The following TRIT1 variants were observed in gnomAD, a reference collection of about 807,000 sequenced individuals.
The protein encoded by TRIT1 is tRNA dimethylallyltransferase.
In TRIT1, 43 loss-of-function variants were observed where a neutral mutation model predicts 51.2. The observed-to-expected ratio is 0.84, with a 90% CI of 0.66 to 1.08. The LOEUF is 1.08. Among genes scored for constraint, TRIT1 ranks in the 50% least tolerant of loss-of-function variants. The pLI is 0.00. For synonymous variants in TRIT1, 184 were observed against 203.9 expected (o/e 0.90, Z 0.83); for missense variants, 528 against 578.4 (o/e 0.91, Z 0.89).
rs1652465557 is a variant in TRIT1 at position 39,838,677 on chromosome 1, T to C, written c.*3067A>G. 6.6e-6 allele frequency among the ~76,000 whole-genome samples: 1 copy of C among 152,222 alleles called. No individual in the cohort carries two copies. The highest frequency in any genetic ancestry group is 1.5e-5 in the Non-Finnish European group (1 of 68,042). ...ATATGTAAGTATGTATGTATGTATA[T>C]ATTTGTGCTGACTGGGTCTCACCAT... On this transcript the variant is annotated 3_prime_UTR_variant, in exon 11 of 11. Transcript: ENST00000316891.
intron 1 of TRIT1, among the ~76,000 whole-genome samples, chr1:39,859,582 CAA>C (rs757122180): frequency 2.6e-5 from 3 of 117,414 alleles, no homozygotes; most frequent in African/African-American, 3.2e-5. Flanking sequence ...GACTTTGTCT[CAA>C]AAAAAAAAAA....
chr1:39,859,249 C>G (rs1483956072), intron 1 of TRIT1, among the ~76,000 whole-genome samples: 3 of 101,764 alleles, frequency 2.9e-5, no homozygotes, highest in Non-Finnish European at 5.3e-5. Context: ...GAGTGAGACT[C>G]GACTCCGTCT....
intron 8 of TRIT1, among the ~76,000 whole-genome samples, chr1:39,846,524 T>C (rs909477821): frequency 6.6e-6 from 1 of 152,060 alleles, no homozygotes; most frequent in Non-Finnish European, 1.5e-5. Context: ...TATAAAGGAG[T>C]GTGGACTCTG....
chr1:39,877,190 C>G (rs545790024), intron 1 of TRIT1, among the ~76,000 whole-genome samples: 19 of 151,756 alleles, frequency 1.3e-4, no homozygotes, highest in African/African-American at 4.3e-4. Context: ...ACAGTATGTC[C>G]CAAAGCAAAC....
Position 39,841,750 on chromosome 1 carries a change from G to A in TRIT1, c.1398C>T (p.Ser466=), listed in dbSNP as rs199579505. ...PGQNDQELKC[S]V ...AGGCCACTGGACATGTCTCTTAAACGCTGCATTTCAGCTCTTGATCATTCT... is the reference window on the plus strand; with the variant it reads ...AGGCCACTGGACATGTCTCTTAAACACTGCATTTCAGCTCTTGATCATTCT... Residue 466 remains serine, a synonymous_variant, in exon 11 of 11, where the codon AGC becomes AGT. Transcript: ENST00000316891. 1.3e-5 allele frequency: 21 copies of A among 1,610,754 alleles called. No individual in the cohort carries two copies. The African/African-American group carries it at 2.0e-4, about 15-fold the overall frequency.
At chr1:39,849,787 T>A (rs1266087909) in intron 5 of TRIT1, among the ~76,000 whole-genome samples, 2 of 152,212 alleles carry the variant, frequency 1.3e-5, no homozygotes, top group African/African-American at 4.8e-5. Context: ...CATTCTAGCC[T>A]CCAGCCAACC....
At chr1:39,862,304 A>G (rs1486316784) in intron 1 of TRIT1, among the ~76,000 whole-genome samples, 2 of 135,910 alleles carry the variant, frequency 1.5e-5, no homozygotes, top group Non-Finnish European at 3.2e-5. Context: ...TCAATGTTAT[A>G]TCACAATTTA....
intron 5 of TRIT1, among the ~76,000 whole-genome samples, chr1:39,849,686 A>G (rs574350825): frequency 1.0e-4 from 16 of 152,382 alleles, no homozygotes; most frequent in African/African-American, 3.6e-4. Context: ...TGCTGGATGA[A>G]TAAGTTACTA....
chr1:39,844,460 G>T lies in TRIT1; in HGVS notation c.1116+71C>A, dbSNP rs1642105759. On this transcript the variant is annotated intron_variant, in intron 9 of 10. Transcript: ENST00000316891. ...AAAGAAGGCCTGGTTCTTCAATATA[G>T]CAACAAAGGTGTCAGCTAATGAAAG... is the stretch of plus-strand genomic sequence containing the variant. The T allele has an allele frequency of 5.6e-6, 7 of 1,240,766 alleles. No homozygotes were observed. The South Asian group carries it at 8.6e-5, about 15-fold the overall frequency. 76.9% of individuals were successfully genotyped at this position (1,240,766 alleles called of 1,614,324 possible). A position where few individuals can be genotyped will look rare whatever the true frequency, so the allele number is the denominator to read the frequency against.
intron 1 of TRIT1, among the ~76,000 whole-genome samples, chr1:39,869,385 G>A (rs987696010): frequency 3.3e-5 from 5 of 152,252 alleles, no homozygotes; most frequent in Admixed American, 6.5e-5. Context: ...GATTGCAGAC[G>A]GAGTCTTGCT....
At chr1:39,880,054 A>G (rs1348656048) in intron 1 of TRIT1, among the ~76,000 whole-genome samples, 1 of 151,692 alleles carries the variant, frequency 6.6e-6, no homozygotes, top group Admixed American at 6.6e-5. Flanking sequence ...ATGTGCCTGT[A>G]GTCCTAGCTG....
intron 10 of TRIT1, among the ~76,000 whole-genome samples, chr1:39,843,212 T>C (rs2124571630): frequency 6.6e-6 from 1 of 152,260 alleles, no homozygotes; most frequent in South Asian, 2.1e-4. Context: ...ATCCTATTGG[T>C]TGCTTTGGGG....
At chr1:39,879,549 G>C (rs1280789225) in intron 1 of TRIT1, among the ~76,000 whole-genome samples, 1 of 151,868 alleles carries the variant, frequency 6.6e-6, no homozygotes, top group Non-Finnish European at 1.5e-5. Flanking sequence ...AGCTACTTGA[G>C]ACAGGAGGAC....
intron 8 of TRIT1, among the ~76,000 whole-genome samples, chr1:39,845,016 G>A (rs1642145974): frequency 6.6e-6 from 1 of 152,232 alleles, no homozygotes; most frequent in Non-Finnish European, 1.5e-5. Flanking sequence ...ATCTTACAAT[G>A]ATGGCGATCT....
At chr1:39,869,780 C>T (rs532125260) in intron 1 of TRIT1, among the ~76,000 whole-genome samples, 1 of 151,436 alleles carries the variant, frequency 6.6e-6, no homozygotes, top group South Asian at 2.1e-4. Context: ...AGGTGAGGAG[C>T]GTCTCTGCCC....
intron 8 of TRIT1, 182 bp downstream of exon 8, chr1:39,847,038 T>TC (rs1012397176): frequency 1.2e-4 from 69 of 567,138 alleles, no homozygotes; most frequent in South Asian, 3.9e-4. Context: ...TAATTTTTTT[T>TC]TTTTTTGTGA....
At chr1:39,843,108 A>G (rs180998244) in intron 10 of TRIT1, among the ~76,000 whole-genome samples, 13 of 152,290 alleles carry the variant, frequency 8.5e-5, no homozygotes, top group Non-Finnish European at 4.4e-5. Flanking sequence ...ACCAATGACA[A>G]TCGAGGCTTC....
intron 1 of TRIT1, among the ~76,000 whole-genome samples, chr1:39,868,932 C>A (rs1451608844): frequency 6.6e-6 from 1 of 152,060 alleles, no homozygotes; most frequent in East Asian, 1.9e-4. Flanking sequence ...TGGTGGCAGG[C>A]ATGTGTAATC....
intron 6 of TRIT1, 149 bp downstream of exon 6, chr1:39,847,837 T>C (rs1455259085): frequency 7.2e-7 from 1 of 1,391,088 alleles, no homozygotes. Context: ...TCTTGAAAAG[T>C]TAACTCCTGG....
Sources: gnomAD v4.1 joint callset for allele counts (sites outside exome capture counted in the v4.1 genomes callset) on GRCh38, gnomAD v4.1.1 for gene constraint, MANE v1.5 for transcripts, NCBI Gene and HGNC (gene_info 2026-07-23, HGNC 2026-07-21) for gene names.